DYNLL1: variants seen among roughly 807,000 people sequenced by gnomAD.
DYNLL1 encodes dynein light chain 1, cytoplasmic.
DYNLL1 carries 3 observed loss-of-function variants against 10.1 expected under a neutral mutation model. The ratio of observed to expected loss-of-function variants is 0.30; its 90% CI spans 0.14 to 0.77. The LOEUF (loss-of-function observed/expected upper bound fraction) is 0.77. Among genes scored for constraint, DYNLL1 ranks in the 30% least tolerant of loss-of-function variants. DYNLL1 has a pLI of 0.66. For missense variants in DYNLL1, 47 were observed against 111.7 expected (o/e 0.42, Z 2.61); for synonymous variants, 46 against 41.2 (o/e 1.12, Z -0.45).
intron 1 of DYNLL1, among the ~76,000 whole-genome samples, chr12:120,485,210 A>G (rs1478552008): frequency 6.8e-6 from 1 of 146,226 alleles, no homozygotes; most frequent in African/African-American, 2.5e-5. Context: ...GTGGGACCCC[A>G]TCTTTAAAAA....
At chr12:120,493,990 T>C (rs1879203165), upstream of DYNLL1, 1 of 152,072 alleles carries the variant, frequency 6.6e-6, no homozygotes, top group East Asian at 1.9e-4. Context: ...AAAAATTAAA[T>C]AAATAATAAC....
rs755964994 is a variant in DYNLL1 at position 120,496,547 on chromosome 12, C to T, written c.126C>T (p.Ile42=). The T allele has an allele frequency of 6.2e-6, 10 of 1,614,074 alleles. No individual in the cohort carries two copies. Among genetic ancestry groups the T allele is most frequent in the Non-Finnish European group, 8.5e-6 (10 of 1,180,012 alleles). The change falls in exon 2 of 3, where the codon ATC becomes ATT. Residue 42 remains isoleucine (I), a synonymous_variant. Transcript: ENST00000242577. ...YNIEKDIAAH[I]KKEFDKKYNP... is the part of the protein sequence containing the mutation. Reference sequence around the variant, plus strand: ...TAGAGAAGGACATTGCGGCTCATATCAAGAAGGTGAGGATGGGCGCGGGGG... The same window carrying T: ...TAGAGAAGGACATTGCGGCTCATATTAAGAAGGTGAGGATGGGCGCGGGGG...
At chr12:120,493,465 C>T (rs1033170782), upstream of DYNLL1, among the ~76,000 whole-genome samples, 3 of 151,536 alleles carry the variant, frequency 2.0e-5, no homozygotes, top group South Asian at 2.1e-4. Flanking sequence ...GAACCCAGAT[C>T]GCGCCACTGC....
At chr12:120,492,451 C>T (rs928433324), upstream of DYNLL1, among the ~76,000 whole-genome samples, 2 of 152,136 alleles carry the variant, frequency 1.3e-5, no homozygotes, top group Non-Finnish European at 1.5e-5. The surrounding 1 kb of genome is among the most constrained non-coding windows in gnomAD (Gnocchi z 4.1). Context: ...CCTGTAATCC[C>T]AGCTACTCGG....
chr12:120,481,631 C>T (rs550089220), intron 1 of DYNLL1, among the ~76,000 whole-genome samples: 1 of 152,320 alleles, frequency 6.6e-6, no homozygotes, highest in East Asian at 1.9e-4. Context: ...CTTCCATGTC[C>T]TCTCCAGGTG....
upstream of DYNLL1, among the ~76,000 whole-genome samples, chr12:120,494,529 G>T (rs1357966702): frequency 6.6e-6 from 1 of 152,064 alleles, no homozygotes; most frequent in Non-Finnish European, 1.5e-5. Flanking sequence ...ACCCGCCTCG[G>T]CCTCCCAAAG....
Position 120,496,846 on chromosome 12 carries a change from C to G in DYNLL1, c.132+293C>G, listed in dbSNP as rs1247701020. 9 of 579,616 alleles carry G rather than the reference C, an allele frequency of 1.6e-5. No homozygotes were observed. In the Admixed American group the frequency reaches 2.0e-4, roughly 13 times the overall value. 35.9% of individuals were successfully genotyped at this position (579,616 alleles called of 1,614,324 possible). Reference sequence around the variant, plus strand: ...AGCGGTTCCCCCTTCTGTGTGGTTCCTGCGCCGAGGATCCATCTGGGTGTT... The same window carrying G: ...AGCGGTTCCCCCTTCTGTGTGGTTCGTGCGCCGAGGATCCATCTGGGTGTT... On this transcript the variant is annotated intron_variant, in intron 2 of 2. Transcript: ENST00000242577.
At chr12:120,486,948 G>C (rs1057166390) in intron 1 of DYNLL1, among the ~76,000 whole-genome samples, 1 of 151,762 alleles carries the variant, frequency 6.6e-6, no homozygotes. Context: ...GGATGAGAGA[G>C]AGACCTCGGG....
intron 1 of DYNLL1, among the ~76,000 whole-genome samples, chr12:120,473,422 A>C (rs1156462440): frequency 3.9e-5 from 6 of 151,904 alleles, no homozygotes; most frequent in Non-Finnish European, 5.9e-5. Context: ...TGCCAGGCCC[A>C]GTGGCTCATG....
intron 1 of DYNLL1, among the ~76,000 whole-genome samples, chr12:120,482,262 G>C (rs1593000300): frequency 6.6e-6 from 1 of 152,134 alleles, no homozygotes; most frequent in Non-Finnish European, 1.5e-5. Flanking sequence ...TCATGCCTGT[G>C]AGTAGCCAAT....
chr12:120,494,845 A>G (rs970137360), upstream of DYNLL1, among the ~76,000 whole-genome samples: 33 of 152,318 alleles, frequency 2.2e-4, no homozygotes, highest in African/African-American at 7.0e-4. Flanking sequence ...GATTAACCTG[A>G]TAACTTATTT....
At chr12:120,477,283 A>G (rs1878775783) in intron 1 of DYNLL1, among the ~76,000 whole-genome samples, 2 of 152,146 alleles carry the variant, frequency 1.3e-5, no homozygotes, top group Admixed American at 6.6e-5. Context: ...TTAAGAGCCC[A>G]GGGTTATGTA....
intron 1 of DYNLL1, among the ~76,000 whole-genome samples, chr12:120,470,649 C>A (rs1268807584): frequency 6.6e-6 from 1 of 152,142 alleles, no homozygotes; most frequent in East Asian, 1.9e-4. Context: ...TGTAGAGAGG[C>A]TGGTCTCGAA....
At chr12:120,475,241 C>A (rs1878730280) in intron 1 of DYNLL1, among the ~76,000 whole-genome samples, 1 of 152,088 alleles carries the variant, frequency 6.6e-6, no homozygotes, top group Non-Finnish European at 1.5e-5. Context: ...GGTGGGAACA[C>A]AAGGGCTTGA....
At chr12:120,472,779 G>A (rs1353408340) in intron 1 of DYNLL1, among the ~76,000 whole-genome samples, 1 of 152,164 alleles carries the variant, frequency 6.6e-6, no homozygotes, top group East Asian at 1.9e-4. Context: ...AAAATGTAGG[G>A]ATGTGGTTAG....
chr12:120,496,659 G>A, intron 2 of DYNLL1, 106 bp downstream of exon 2: 1 of 1,593,620 alleles, frequency 6.3e-7, no homozygotes, highest in Non-Finnish European at 8.6e-7. Flanking sequence ...TACTGCTGGC[G>A]GCTTGGGGCG....
chr12:120,493,008 T>C (rs1879171810), upstream of DYNLL1, among the ~76,000 whole-genome samples: 1 of 152,056 alleles, frequency 6.6e-6, no homozygotes, highest in South Asian at 2.1e-4. Context: ...TGTGCATAAT[T>C]CCAGAGGGCT....
chr12:120,494,131 T>C (rs1469045768), upstream of DYNLL1, among the ~76,000 whole-genome samples: 1 of 152,104 alleles, frequency 6.6e-6, no homozygotes, highest in Non-Finnish European at 1.5e-5. Context: ...CCTCACTTGT[T>C]GTCAACCTAT....
At chr12:120,494,014 T>C (rs1689877716), upstream of DYNLL1, 1 of 152,046 alleles carries the variant, frequency 6.6e-6, no homozygotes. Context: ...GGTAGTGTAG[T>C]GTAGATATGG....
Sources: allele counts gnomAD v4.1 joint callset (sites outside exome capture counted in the v4.1 genomes callset), GRCh38; gene constraint gnomAD v4.1.1; non-coding constraint Gnocchi (gnomAD v3.1); transcripts MANE v1.5; gene names NCBI Gene and HGNC (gene_info 2026-07-23, HGNC 2026-07-21).